Variants in GSPT1 observed in about 807,000 individuals in gnomAD.
The protein encoded by GSPT1 is G1 to S phase transition 1, also known as eukaryotic peptide chain release factor GTP-binding subunit ERF3A.
Under a neutral mutation model 72.5 loss-of-function variants are expected in GSPT1, and 20 were observed. The observed-to-expected ratio is 0.28, with a 90% CI of 0.19 to 0.40. The LOEUF is 0.40. Ranked by LOEUF, GSPT1 falls within the 10% of genes least tolerant of loss-of-function variation. GSPT1 has a pLI of 1.00. For synonymous variants in GSPT1, 334 were observed against 293.5 expected (o/e 1.14, Z -1.41); for missense variants, 580 against 811.9 (o/e 0.71, Z 3.47).
At chr16:11,892,524 A>AAAAAAAAAAAATAAAT (rs1567443285) in intron 5 of GSPT1, among the ~76,000 whole-genome samples, 3 of 126,644 alleles carry the variant, frequency 2.4e-5, no homozygotes, top group African/African-American at 1.1e-4. Context: ...CAAAAAAAAC[A>AAAAAAAAAAAATAAAT]AAAAAAACAA....
In GSPT1 at chr16:11,892,815, T is replaced by TA. The variant is rs2054284228; in HGVS notation, c.699-1677dup. Among the ~76,000 whole-genome samples, 4 of 96,580 alleles carry TA rather than the reference T, an allele frequency of 4.1e-5. No homozygotes were observed. The South Asian group carries it at 1.3e-3, about 31-fold the overall frequency. The allele number at this position is 96,580 out of a possible 152,430, so 63.4% of individuals were successfully genotyped here. ...CTGCACTGCACTCCAGCCTGGGCGA[T>TA]AGAGATTCTGTCTCAAAAAAAAAAA... On this transcript the variant is annotated intron_variant, in intron 5 of 14. Coordinates refer to ENST00000434724, the MANE Select transcript of GSPT1 (RefSeq NM_002094.4).
chr16:11,887,867 G>T, intron 6 of GSPT1, 117 bp from the exon 7 acceptor site: 1 of 758,358 alleles, frequency 1.3e-6, no homozygotes, highest in Non-Finnish European at 2.1e-6. Context: ...GAACAAGATT[G>T]GTGAAATGAA....
At chr16:11,901,869 G>A (rs2054411204) in intron 1 of GSPT1, among the ~76,000 whole-genome samples, 1 of 151,880 alleles carries the variant, frequency 6.6e-6, no homozygotes, top group African/African-American at 2.4e-5. Flanking sequence ...GTGGAGGCGG[G>A]CGGATCACCT....
intron 9 of GSPT1, 96 bp downstream of exon 9, chr16:11,886,375 G>C: frequency 1.4e-6 from 1 of 727,892 alleles, no homozygotes; most frequent in Non-Finnish European, 2.2e-6. Flanking sequence ...ATGCTCAAAA[G>C]CATATGTTAA....
intron 1 of GSPT1, chr16:11,904,255 T>G (rs2150885545): frequency 6.6e-6 from 1 of 152,604 alleles, no homozygotes; most frequent in African/African-American, 2.4e-5. Context: ...CAGGCTGGAG[T>G]GCAGTGGTGC....
At chr16:11,911,640 C>A (rs1054523160) in intron 1 of GSPT1, among the ~76,000 whole-genome samples, 5 of 150,140 alleles carry the variant, frequency 3.3e-5, no homozygotes, top group Non-Finnish European at 4.4e-5. Flanking sequence ...GCAACCTCCG[C>A]CTCCCAGATT....
chr16:11,892,395 G>C (rs2054273199), intron 5 of GSPT1, among the ~76,000 whole-genome samples: 1 of 151,280 alleles, frequency 6.6e-6, no homozygotes, highest in South Asian at 2.1e-4. Flanking sequence ...TGTAATCTCA[G>C]CACTTTGGGA....
In GSPT1 at chr16:11,877,696, T is replaced by C; in HGVS notation, c.1429-116A>G. ...AGTTGCAAGATTTGACTGTAAACACTTATGTTTGTATGACATAAAATCTTA... is the reference window on the plus strand; with the variant it reads ...AGTTGCAAGATTTGACTGTAAACACCTATGTTTGTATGACATAAAATCTTA... On this transcript the variant is annotated intron_variant, in intron 11 of 14. Coordinates refer to ENST00000434724, the MANE Select transcript of GSPT1 (RefSeq NM_002094.4). The surrounding 1 kb of genome is among the most constrained non-coding windows in gnomAD (Gnocchi z 4.0). The C allele has an allele frequency of 1.6e-6, 1 of 634,932 alleles. No homozygotes were observed. Among genetic ancestry groups the C allele is most frequent in the Non-Finnish European group, 2.6e-6 (1 of 379,616 alleles). 39.3% of individuals were successfully genotyped at this position (634,932 alleles called of 1,614,324 possible).
intron 14 of GSPT1, among the ~76,000 whole-genome samples, chr16:11,875,186 C>A (rs1435739651): frequency 6.7e-6 from 1 of 149,702 alleles, no homozygotes; most frequent in African/African-American, 2.5e-5. Flanking sequence ...GAGACTCCAT[C>A]TCAAAAAAAG....
Position 11,877,373 on chromosome 16 carries a change from A to C in GSPT1, c.1602+34T>G, listed in dbSNP as rs781110337. ...ATATTCTAATTTCATTTAGACATTA[A>C]AACCCACTATGACAACAACAATAAT... On this transcript the variant is annotated intron_variant, in intron 12 of 14. Transcript: ENST00000434724. The surrounding 1 kb of genome is among the most constrained non-coding windows in gnomAD (Gnocchi z 4.0). 2.7e-6 allele frequency: 4 copies of C among 1,461,358 alleles called. No homozygotes were observed. Among genetic ancestry groups the C allele is most frequent in the Admixed American group, 2.2e-5 (1 of 45,178 alleles). 90.5% of individuals were successfully genotyped at this position (1,461,358 alleles called of 1,614,324 possible). A position where few individuals can be genotyped will look rare whatever the true frequency, so the allele number is the denominator to read the frequency against.
chr16:11,872,803 A>G lies in GSPT1; in HGVS notation c.*316T>C, dbSNP rs565199080. 15 of 255,190 alleles carry G rather than the reference A, an allele frequency of 5.9e-5. No homozygotes were observed. Among genetic ancestry groups the G allele is most frequent in the Admixed American group, 3.6e-4 (7 of 19,446 alleles). The allele number at this position is 255,190 out of a possible 1,614,324, so 15.8% of individuals were successfully genotyped here. On this transcript the variant is annotated 3_prime_UTR_variant, in exon 15 of 15. Coordinates refer to ENST00000434724, the MANE Select transcript of GSPT1 (RefSeq NM_002094.4). ...TATGCCTAAGGGGAAAATGAAAAAT[A>G]AAAAAATTCCTGTAGGTTTTCATTA...
intron 1 of GSPT1, among the ~76,000 whole-genome samples, chr16:11,913,626 G>A (rs934545246): frequency 6.6e-6 from 1 of 152,216 alleles, no homozygotes; most frequent in Admixed American, 6.5e-5. Context: ...TCTAGTCAGA[G>A]TGGTGCTGGT....
chr16:11,915,639 G>A lies in GSPT1; in HGVS notation c.82C>T (p.Pro28Ser). The change falls in exon 1 of 15, where the codon CCT (proline) becomes TCT (serine). Residue 28 changes from proline to serine, a missense_variant. Around this residue, in one of 6 missense-constraint regions of GSPT1, gnomAD observed 327 missense variants for 298.8 expected, o/e 1.09. Coordinates refer to ENST00000434724, the MANE Select transcript of GSPT1 (RefSeq NM_002094.4). ...ATGTCCGCCTGGTCCCAGCAGTCAG[G>A]CGCCGAGTCGCTGCTGCTGCTGCCG... ...SSGSSSSDSA[P>S]DCWDQADMEA... 1 of 1,487,328 alleles carries A rather than the reference G, an allele frequency of 6.7e-7. No homozygotes were observed. Among genetic ancestry groups the A allele is most frequent in the Non-Finnish European group, 8.9e-7 (1 of 1,122,838 alleles). 92.1% of individuals were successfully genotyped at this position (1,487,328 alleles called of 1,614,324 possible).
intron 5 of GSPT1, among the ~76,000 whole-genome samples, chr16:11,893,561 G>A (rs568784731): frequency 1.5e-4 from 23 of 152,208 alleles, no homozygotes; most frequent in Admixed American, 3.3e-4. Flanking sequence ...AAAATAGTTC[G>A]TTAGTAATGC....
intron 6 of GSPT1, among the ~76,000 whole-genome samples, chr16:11,889,392 C>T (rs1024017573): frequency 2.5e-5 from 3 of 120,496 alleles, no homozygotes; most frequent in African/African-American, 9.9e-5. Flanking sequence ...GGTTGGAGTG[C>T]AGTGGCACCA....
chr16:11,875,848 T>C lies in GSPT1; in HGVS notation c.1774A>G (p.Ile592Val), dbSNP rs979467815. 1.2e-6 allele frequency: 2 copies of C among 1,613,696 alleles called. No homozygotes were observed. The highest frequency in any genetic ancestry group is 2.2e-5 in the East Asian group (1 of 44,868). Residue 592 changes from isoleucine (I) to valine (V), a missense_variant, in exon 14 of 15, where the codon ATT becomes GTT. Coordinates refer to ENST00000434724, the MANE Select transcript of GSPT1 (RefSeq NM_002094.4). ...GTTCCTGCTGTCCTTAAGCGAGCAA[T>C]GCATACTTGATCTTGTTTGACAAAA... Reference protein sequence around the residue: ...PRFVKQDQVCIARLRTAGTIC... With the variant: ...PRFVKQDQVCVARLRTAGTIC...
chr16:11,875,470 G>A (rs2054037030), intron 14 of GSPT1, among the ~76,000 whole-genome samples: 1 of 151,776 alleles, frequency 6.6e-6, no homozygotes, highest in African/African-American at 2.4e-5. Flanking sequence ...ATATTACAAA[G>A]GATTACATCA....
chr16:11,895,206 G>A (rs146689863), intron 4 of GSPT1: 42 of 405,214 alleles, frequency 1.0e-4, no homozygotes, highest in Middle Eastern at 7.6e-4. Context: ...CAGCGAGGGC[G>A]GATGACCTCA....
chr16:11,909,993 G>T (rs2054537751), intron 1 of GSPT1, among the ~76,000 whole-genome samples: 1 of 152,038 alleles, frequency 6.6e-6, no homozygotes, highest in African/African-American at 2.4e-5. Flanking sequence ...AGCTACTCAG[G>T]AAGCTGAGGT....
Sources: gnomAD v4.1 joint callset for allele counts (sites outside exome capture counted in the v4.1 genomes callset) on GRCh38, gnomAD v4.1.1 for gene constraint, gnomAD v4.1.1 regional missense constraint, Gnocchi (gnomAD v3.1) non-coding constraint, MANE v1.5 for transcripts, NCBI Gene and HGNC (gene_info 2026-07-23, HGNC 2026-07-21) for gene names.